CDKAL1: variants seen among roughly 807,000 people sequenced by gnomAD.
The protein encoded by CDKAL1 is CDKAL1 threonylcarbamoyladenosine tRNA methylthiotransferase, also known as threonylcarbamoyladenosine tRNA methylthiotransferase.
A neutral mutation model predicts 68.2 loss-of-function variants in CDKAL1; 32 were observed. That is an observed-to-expected ratio of 0.47 (90% confidence interval 0.35 to 0.63). The LOEUF (loss-of-function observed/expected upper bound fraction) is 0.63, where lower values mean the gene tolerates loss of function less well. Ranked by LOEUF, CDKAL1 falls within the 30% of genes least tolerant of loss-of-function variation. CDKAL1 has a pLI of 0.00. For synonymous variants in CDKAL1, 234 were observed against 244.3 expected, an observed-to-expected ratio of 0.96 and a Z score of 0.39; for missense variants, 606 against 696.7, an observed-to-expected ratio of 0.87 and a Z score of 1.47.
chr6:21,148,157 G>A (rs531527022), intron 13 of CDKAL1, among the ~76,000 whole-genome samples: 1 of 152,222 alleles, frequency 6.6e-6, no homozygotes, highest in Non-Finnish European at 1.5e-5. Context: ...TGTAATTTCT[G>A]TCACAGTTGG....
intron 9 of CDKAL1, among the ~76,000 whole-genome samples, chr6:20,869,525 A>G (rs1271180823): frequency 6.6e-6 from 1 of 152,218 alleles, no homozygotes; most frequent in Non-Finnish European, 1.5e-5. Context: ...GCTTCAGAAT[A>G]AGAAAGTACA....
chr6:20,656,706 T>G (rs1446002450), intron 5 of CDKAL1, among the ~76,000 whole-genome samples: 1 of 152,164 alleles, frequency 6.6e-6, no homozygotes, highest in East Asian at 1.9e-4. Context: ...TGTCAATGGG[T>G]TTTGTTATAT....
At chr6:21,110,079 T>C (rs1774047791) in intron 13 of CDKAL1, among the ~76,000 whole-genome samples, 1 of 152,224 alleles carries the variant, frequency 6.6e-6, no homozygotes, top group Non-Finnish European at 1.5e-5. Flanking sequence ...AGGAATTGAA[T>C]CTAAATGCTT....
rs1771723376 is a variant in CDKAL1 at position 20,708,902 on chromosome 6, T to TTGGTAGACATTA, written c.372-30616_372-30615insGGTAGACATTAT. Reference sequence around the variant, plus strand: ...TGACAGAGTTTACCAAGTCTTATTGTTTATGTCTACCCTGATGTATCATAA... The same window carrying TTGGTAGACATTA: ...TGACAGAGTTTACCAAGTCTTATTGTTGGTAGACATTATTATGTCTACCCTGATGTATCATAA... On this transcript the variant is annotated intron_variant, in intron 5 of 15. Coordinates refer to ENST00000274695, the MANE Select transcript of CDKAL1 (RefSeq NM_017774.3). Among the ~76,000 whole-genome samples, 6 of 152,320 alleles carry TTGGTAGACATTA rather than the reference T, an allele frequency of 3.9e-5. No individual in the cohort carries two copies. The South Asian group carries it at 1.2e-3, about 32-fold the overall frequency.
intron 6 of CDKAL1, among the ~76,000 whole-genome samples, chr6:20,757,899 C>CT (rs889080027): frequency 6.6e-6 from 1 of 152,026 alleles, no homozygotes; most frequent in African/African-American, 2.4e-5. Flanking sequence ...CTTTTAAACT[C>CT]TAGCCATGCT....
At chr6:20,632,223 CA>C (rs1767703897) in intron 4 of CDKAL1, among the ~76,000 whole-genome samples, 1 of 152,166 alleles carries the variant, frequency 6.6e-6, no homozygotes, top group Non-Finnish European at 1.5e-5. Flanking sequence ...TGGGCAAAAT[CA>C]TCTGGCAAAA....
At chr6:20,622,634 T>C (rs926333217) in intron 4 of CDKAL1, among the ~76,000 whole-genome samples, 1 of 152,132 alleles carries the variant, frequency 6.6e-6, no homozygotes, top group Non-Finnish European at 1.5e-5. Context: ...TTCTTGTGTT[T>C]AGTTCATTGG....
At chr6:20,912,792 G>A (rs1322742344) in intron 9 of CDKAL1, among the ~76,000 whole-genome samples, 1 of 151,880 alleles carries the variant, frequency 6.6e-6, no homozygotes, top group Non-Finnish European at 1.5e-5. Context: ...TTGAATATAT[G>A]GTAGTTTGTT....
chr6:21,086,901 C>A (rs558919574), intron 12 of CDKAL1, among the ~76,000 whole-genome samples: 47 of 152,294 alleles, frequency 3.1e-4, no homozygotes, highest in African/African-American at 1.1e-3. Context: ...TCTTAACTGT[C>A]TCACTAGATC....
chr6:20,798,386 GA>G (rs1474212491), intron 8 of CDKAL1, among the ~76,000 whole-genome samples: 1 of 152,122 alleles, frequency 6.6e-6, no homozygotes, highest in Non-Finnish European at 1.5e-5. Flanking sequence ...ATTATTCTGT[GA>G]AGAAAATAAT....
At chr6:20,547,173 TAAAG>T (rs1156853151) in intron 3 of CDKAL1, among the ~76,000 whole-genome samples, 2 of 152,150 alleles carry the variant, frequency 1.3e-5, no homozygotes, top group East Asian at 3.8e-4. Flanking sequence ...ATTTTTGAAT[TAAAG>T]AAACTCAACC....
chr6:20,678,922 C>T (rs777767991), intron 5 of CDKAL1, among the ~76,000 whole-genome samples: 1 of 152,052 alleles, frequency 6.6e-6, no homozygotes, highest in Non-Finnish European at 1.5e-5. Context: ...GTTTTTGAGA[C>T]AGGGTCTTCC....
intron 2 of CDKAL1, among the ~76,000 whole-genome samples, chr6:20,544,779 G>A (rs1374170660): frequency 6.6e-6 from 1 of 151,988 alleles, no homozygotes; most frequent in African/African-American, 2.4e-5. Context: ...TTGTGTATCA[G>A]TTTGGTCTCC....
intron 5 of CDKAL1, among the ~76,000 whole-genome samples, chr6:20,714,469 G>A (rs1771996715): frequency 7.4e-6 from 1 of 135,584 alleles, no homozygotes; most frequent in Non-Finnish European, 1.5e-5. Flanking sequence ...GTTCACTGCA[G>A]CCTTGATTTC....
At chr6:20,906,210 A>G (rs1762223603) in intron 9 of CDKAL1, among the ~76,000 whole-genome samples, 1 of 152,144 alleles carries the variant, frequency 6.6e-6, no homozygotes, top group South Asian at 2.1e-4. Context: ...TTTTCTATAT[A>G]ATTTAAGAGA....
intron 13 of CDKAL1, among the ~76,000 whole-genome samples, chr6:21,110,612 A>G (rs1440043933): frequency 6.6e-6 from 1 of 152,164 alleles, no homozygotes; most frequent in Non-Finnish European, 1.5e-5. Flanking sequence ...GAAAATATAT[A>G]CATATATTGT....
intron 5 of CDKAL1, among the ~76,000 whole-genome samples, chr6:20,710,255 G>A (rs1771787030): frequency 6.6e-6 from 1 of 152,082 alleles, no homozygotes; most frequent in Non-Finnish European, 1.5e-5. Flanking sequence ...GTAGAAAGTA[G>A]GTACAGTCAT....
intron 7 of CDKAL1, among the ~76,000 whole-genome samples, chr6:20,759,273 G>T (rs956395695): frequency 4.6e-5 from 7 of 152,182 alleles, no homozygotes; most frequent in Non-Finnish European, 7.3e-5. Flanking sequence ...TGGGCACAGT[G>T]GTTCATGCCT....
chr6:20,963,331 C>T (rs1765148097), intron 10 of CDKAL1, among the ~76,000 whole-genome samples: 1 of 151,916 alleles, frequency 6.6e-6, no homozygotes, highest in Non-Finnish European at 1.5e-5. Context: ...AGACTTGCAT[C>T]TCTGCCCATA....
Sources: gnomAD v4.1 joint callset for allele counts (sites outside exome capture counted in the v4.1 genomes callset) on GRCh38, gnomAD v4.1.1 for gene constraint, MANE v1.5 for transcripts, NCBI Gene and HGNC (gene_info 2026-07-23, HGNC 2026-07-21) for gene names.